The following GALNTL6 variants were observed in gnomAD, a reference collection of about 807,000 sequenced individuals.
GALNTL6 encodes the protein polypeptide N-acetylgalactosaminyltransferase-like 6.
A neutral mutation model predicts 73.7 loss-of-function variants in GALNTL6; 46 were observed. That is an observed-to-expected ratio of 0.62 (90% CI 0.49 to 0.80). The LOEUF is 0.80. GALNTL6 is among the 30% of genes least tolerant of loss of function. The pLI is 0.00. For missense variants in GALNTL6, 604 were observed against 755.0 expected (o/e 0.80, Z 2.34); for synonymous variants, 259 against 263.7 (o/e 0.98, Z 0.17).
At chr4:172,408,038 C>T (rs1744299647) in intron 5 of GALNTL6, among the ~76,000 whole-genome samples, 2 of 151,966 alleles carry the variant, frequency 1.3e-5, no homozygotes, top group Non-Finnish European at 2.9e-5. Flanking sequence ...CTGCCTTTTT[C>T]TTGCTAATAC....
At chr4:171,863,067 G>T (rs1047446978) in intron 2 of GALNTL6, among the ~76,000 whole-genome samples, 3 of 152,124 alleles carry the variant, frequency 2.0e-5, no homozygotes, top group Non-Finnish European at 4.4e-5. Flanking sequence ...GGAAAGTTAG[G>T]TATCTAATTC....
chr4:172,053,283 TAA>T (rs66918444), intron 2 of GALNTL6, among the ~76,000 whole-genome samples: 8 of 152,218 alleles, frequency 5.3e-5, no homozygotes, highest in Admixed American at 2.0e-4. Context: ...GGTGTTTTTT[TAA>T]AAAAAACACA....
intron 8 of GALNTL6, among the ~76,000 whole-genome samples, chr4:172,901,223 C>T (rs1746609248): frequency 6.6e-6 from 1 of 152,094 alleles, no homozygotes; most frequent in Non-Finnish European, 1.5e-5. Flanking sequence ...CCTGGGGGTT[C>T]CTGTCCCTCC....
chr4:172,975,985 G>A (rs188927757), intron 10 of GALNTL6, among the ~76,000 whole-genome samples: 4 of 152,210 alleles, frequency 2.6e-5, no homozygotes, highest in African/African-American at 2.4e-5. Context: ...CTGCAGCTGC[G>A]CCAGGGAGGT....
intron 3 of GALNTL6, among the ~76,000 whole-genome samples, chr4:172,286,796 A>G (rs2111090711): frequency 6.6e-6 from 1 of 152,350 alleles, no homozygotes; most frequent in Middle Eastern, 3.4e-3. Flanking sequence ...AACTGGGACT[A>G]GGAAAATGGC....
intron 2 of GALNTL6, among the ~76,000 whole-genome samples, chr4:171,980,021 ATAAT>A (rs1044172463): frequency 2.0e-5 from 3 of 152,182 alleles, no homozygotes; most frequent in African/African-American, 4.8e-5. Flanking sequence ...AGGCAAGTAA[ATAAT>A]TAGTTGCTTT....
intron 5 of GALNTL6, among the ~76,000 whole-genome samples, chr4:172,614,367 A>G (rs1020750417): frequency 3.9e-5 from 6 of 152,176 alleles, no homozygotes; most frequent in Admixed American, 3.9e-4. Flanking sequence ...AACTAAGGCC[A>G]CTAATTCATC....
At chr4:172,658,020 G>A (rs1404377300) in intron 5 of GALNTL6, among the ~76,000 whole-genome samples, 1 of 146,220 alleles carries the variant, frequency 6.8e-6, no homozygotes, top group Non-Finnish European at 1.5e-5. Flanking sequence ...CGTAGTGGCG[G>A]GCGCCTGTAG....
intron 5 of GALNTL6, among the ~76,000 whole-genome samples, chr4:172,397,527 G>A (rs1008978558): frequency 6.6e-6 from 1 of 151,236 alleles, no homozygotes; most frequent in Non-Finnish European, 1.5e-5. Context: ...AATAAAAAAT[G>A]GATTTAACTC....
intron 2 of GALNTL6, among the ~76,000 whole-genome samples, chr4:172,105,570 T>C (rs754577579): frequency 2.6e-5 from 4 of 151,536 alleles, no homozygotes; most frequent in South Asian, 2.1e-4. Flanking sequence ...ATTGCATTGA[T>C]AATAATCAAA....
At chr4:172,069,556 T>TTA (rs1362016864) in intron 2 of GALNTL6, among the ~76,000 whole-genome samples, 1 of 74,534 alleles carries the variant, frequency 1.3e-5, no homozygotes, top group African/African-American at 5.0e-5. Context: ...CACATATATG[T>TTA]TATATATAAC....
At chr4:172,954,005 G>T (rs949087965) in intron 10 of GALNTL6, among the ~76,000 whole-genome samples, 3 of 152,144 alleles carry the variant, frequency 2.0e-5, no homozygotes, top group African/African-American at 4.8e-5. Flanking sequence ...TATGTATAAG[G>T]TTCTGTTTGT....
At chr4:172,784,861 C>T (rs1004554108) in intron 5 of GALNTL6, among the ~76,000 whole-genome samples, 1 of 152,074 alleles carries the variant, frequency 6.6e-6, no homozygotes, top group African/African-American at 2.4e-5. Context: ...TAGATGCTAC[C>T]CCTATGCAGC....
chr4:172,329,431 G>T (rs1741050971), intron 4 of GALNTL6, among the ~76,000 whole-genome samples: 1 of 152,152 alleles, frequency 6.6e-6, no homozygotes, highest in African/African-American at 2.4e-5. Context: ...CTAGTCCCTA[G>T]TCACCTTAGA....
At chr4:172,775,593 A>AT (rs1222933225) in intron 5 of GALNTL6, among the ~76,000 whole-genome samples, 2 of 152,062 alleles carry the variant, frequency 1.3e-5, no homozygotes, top group South Asian at 2.1e-4. Context: ...TTAATCTAGG[A>AT]TTTTTTCATC....
chr4:171,869,392 T>G (rs998031820), intron 2 of GALNTL6, among the ~76,000 whole-genome samples: 3 of 152,212 alleles, frequency 2.0e-5, no homozygotes, highest in African/African-American at 4.8e-5. Flanking sequence ...TAAGGTGAAT[T>G]GGACTTCTTT....
At chr4:171,955,234 T>G (rs1739006179) in intron 2 of GALNTL6, among the ~76,000 whole-genome samples, 1 of 152,256 alleles carries the variant, frequency 6.6e-6, no homozygotes, top group Non-Finnish European at 1.5e-5. Flanking sequence ...CAAAAGAAAC[T>G]TTCTTTGGTC....
intron 5 of GALNTL6, among the ~76,000 whole-genome samples, chr4:172,743,199 C>G (rs1306816778): frequency 1.3e-5 from 2 of 151,984 alleles, no homozygotes; most frequent in Non-Finnish European, 2.9e-5. Flanking sequence ...TGTGTCAGAC[C>G]TTTAAATATC....
chr4:171,942,994 C>T (rs1738596628), intron 2 of GALNTL6, among the ~76,000 whole-genome samples: 2 of 152,144 alleles, frequency 1.3e-5, no homozygotes, highest in South Asian at 4.1e-4. Flanking sequence ...TACTGGTATG[C>T]CGTCTACACA....
Sources: gnomAD v4.1 joint callset for allele counts (sites outside exome capture counted in the v4.1 genomes callset) on GRCh38, gnomAD v4.1.1 for gene constraint, MANE v1.5 for transcripts, NCBI Gene and HGNC (gene_info 2026-07-23, HGNC 2026-07-21) for gene names.